ARHGEF28: variants seen among roughly 807,000 people sequenced by gnomAD.
ARHGEF28 encodes the protein Rho guanine nucleotide exchange factor 28, also known as 190 kDa guanine nucleotide exchange factor.
In ARHGEF28, 152 loss-of-function variants were observed where a neutral mutation model predicts 206.6. The observed-to-expected ratio is 0.74, with a 90% CI of 0.64 to 0.84. ARHGEF28 has a LOEUF of 0.84. Ranked by LOEUF, ARHGEF28 falls within the 40% of genes least tolerant of loss-of-function variation. The pLI, the probability that ARHGEF28 is intolerant of heterozygous loss-of-function variation, is 0.00. For missense variants in ARHGEF28, 2,028 were observed against 2,073.2 expected, an observed-to-expected ratio of 0.98 and a Z score of 0.42; for synonymous variants, 763 against 776.4, an observed-to-expected ratio of 0.98 and a Z score of 0.29.
intron 7 of ARHGEF28, among the ~76,000 whole-genome samples, chr5:73,787,567 T>C (rs1166713609): frequency 2.6e-5 from 4 of 152,174 alleles, no homozygotes; most frequent in African/African-American, 9.7e-5. Context: ...CCCTGGTGTG[T>C]AACGTTCCCC....
intron 26 of ARHGEF28, among the ~76,000 whole-genome samples, chr5:73,889,900 G>C (rs1239938942): frequency 6.6e-6 from 1 of 152,206 alleles, no homozygotes; most frequent in Non-Finnish European, 1.5e-5. Flanking sequence ...CTCATCTTCT[G>C]CTTTCCCCAA....
chr5:73,794,506 A>G, intron 8 of ARHGEF28, 52 bp downstream of exon 8: 2 of 1,427,814 alleles, frequency 1.4e-6, no homozygotes, highest in Non-Finnish European at 1.9e-6. Context: ...ATAAAGTAGA[A>G]ATGAAGATTT....
intron 7 of ARHGEF28, among the ~76,000 whole-genome samples, chr5:73,782,868 T>G (rs1753927878): frequency 6.6e-6 from 1 of 152,240 alleles, no homozygotes; most frequent in Non-Finnish European, 1.5e-5. Context: ...GCTAAGTTTC[T>G]GGGCACTTGA....
At chr5:73,841,726 AAAG>A (rs917069468) in intron 11 of ARHGEF28, among the ~76,000 whole-genome samples, 2 of 151,378 alleles carry the variant, frequency 1.3e-5, no homozygotes. Context: ...AAAAAAAAAA[AAAG>A]AGAGAAAAAG....
At chr5:73,924,107 A>G (rs763318655) in intron 35 of ARHGEF28, among the ~76,000 whole-genome samples, 2 of 152,202 alleles carry the variant, frequency 1.3e-5, no homozygotes, top group Non-Finnish European at 2.9e-5. Context: ...GCCTGCAGCC[A>G]AGTTTCGGTA....
intron 7 of ARHGEF28, among the ~76,000 whole-genome samples, chr5:73,793,630 T>C (rs953599049): frequency 6.6e-6 from 1 of 152,074 alleles, no homozygotes; most frequent in Non-Finnish European, 1.5e-5. Context: ...GTAGAGACTT[T>C]CAGTCATATG....
At chr5:73,628,960 T>G (rs1032029354) in intron 1 of ARHGEF28, among the ~76,000 whole-genome samples, 1 of 152,218 alleles carries the variant, frequency 6.6e-6, no homozygotes, top group Non-Finnish European at 1.5e-5. Flanking sequence ...CCCAAGGCAG[T>G]GTCACTCTAC....
intron 16 of ARHGEF28, 136 bp downstream of exon 16, chr5:73,858,355 G>A: frequency 3.4e-6 from 4 of 1,162,444 alleles, no homozygotes; most frequent in South Asian, 4.0e-5. Flanking sequence ...ACCAAGCAAG[G>A]ACTGATACTG....
At chr5:73,865,378 T>G (rs1759643713) in intron 17 of ARHGEF28, among the ~76,000 whole-genome samples, 1 of 152,146 alleles carries the variant, frequency 6.6e-6, no homozygotes, top group Admixed American at 6.5e-5. Flanking sequence ...TTCTCTGTAG[T>G]TGGGAATGGG....
intron 35 of ARHGEF28, among the ~76,000 whole-genome samples, chr5:73,937,069 G>A (rs1439046349): frequency 6.6e-6 from 1 of 152,192 alleles, no homozygotes; most frequent in African/African-American, 2.4e-5. Flanking sequence ...ATAAATGCAA[G>A]TTCCAACCAG....
intron 2 of ARHGEF28, among the ~76,000 whole-genome samples, chr5:73,736,420 C>T (rs1208303487): frequency 2.6e-5 from 4 of 152,128 alleles, no homozygotes; most frequent in African/African-American, 7.2e-5. Context: ...ATTTACCTCT[C>T]GAAGTCTCTC....
chr5:73,806,350 A>G (rs1346446229), intron 9 of ARHGEF28, among the ~76,000 whole-genome samples: 1 of 120,384 alleles, frequency 8.3e-6, no homozygotes, highest in African/African-American at 3.4e-5. Flanking sequence ...TACTATGTAG[A>G]TATACTATCT....
chr5:73,743,081 C>G (rs1751534501), intron 2 of ARHGEF28, among the ~76,000 whole-genome samples: 1 of 151,944 alleles, frequency 6.6e-6, no homozygotes, highest in South Asian at 2.1e-4. Context: ...ACTCGCTATT[C>G]CTCATTCTTT....
At chr5:73,755,318 G>T (rs1055631404) in intron 4 of ARHGEF28, among the ~76,000 whole-genome samples, 1 of 151,364 alleles carries the variant, frequency 6.6e-6, no homozygotes, top group Non-Finnish European at 1.5e-5. Context: ...TGTTTTTTTG[G>T]GGGGGTGTGG....
intron 2 of ARHGEF28, among the ~76,000 whole-genome samples, chr5:73,737,540 T>G (rs1269306449): frequency 1.3e-5 from 2 of 149,996 alleles, no homozygotes; most frequent in Non-Finnish European, 3.0e-5. Flanking sequence ...TGATGGAGTT[T>G]TGCTCTTGTT....
intron 9 of ARHGEF28, among the ~76,000 whole-genome samples, chr5:73,799,641 C>T (rs1487437512): frequency 6.6e-6 from 1 of 152,140 alleles, no homozygotes; most frequent in Non-Finnish European, 1.5e-5. Context: ...TCATGGTCTG[C>T]ATTAGATTAA....
At chr5:73,754,635 G>A (rs1197679561) in intron 4 of ARHGEF28, among the ~76,000 whole-genome samples, 3 of 152,076 alleles carry the variant, frequency 2.0e-5, no homozygotes, top group African/African-American at 7.2e-5. Context: ...TTTTAATAAA[G>A]TATTTAATAA....
At chr5:73,807,093 T>C (rs1456313369) in intron 9 of ARHGEF28, among the ~76,000 whole-genome samples, 1 of 150,604 alleles carries the variant, frequency 6.6e-6, no homozygotes, top group Admixed American at 6.6e-5. Context: ...TATCGGATGC[T>C]GCTCTCCTGA....
chr5:73,909,317 C>A (rs927401026), intron 33 of ARHGEF28, 95 bp from the exon 34 acceptor site: 1 of 1,484,134 alleles, frequency 6.7e-7, no homozygotes, highest in African/African-American at 1.4e-5. Context: ...GAATTCGGGC[C>A]TGCGTTTTGT....
Sources: gnomAD v4.1 joint callset for allele counts (sites outside exome capture counted in the v4.1 genomes callset) on GRCh38, gnomAD v4.1.1 for gene constraint, MANE v1.5 for transcripts, NCBI Gene and HGNC (gene_info 2026-07-23, HGNC 2026-07-21) for gene names.